The following EIPR1 variants were observed in gnomAD, a reference collection of about 807,000 sequenced individuals.
The protein encoded by EIPR1 is EARP and GARP complex-interacting protein 1.
EIPR1 carries 25 observed loss-of-function variants against 48.1 expected under a neutral mutation model. The observed-to-expected ratio is 0.52, with a 90% CI of 0.38 to 0.73. EIPR1 has a LOEUF of 0.73. EIPR1 is among the 30% of genes least tolerant of loss of function. EIPR1 has a pLI of 0.00. For missense variants in EIPR1, 415 were observed against 506.2 expected (o/e 0.82, Z 1.73); for synonymous variants, 204 against 201.9 (o/e 1.01, Z -0.09).
intron 3 of EIPR1, among the ~76,000 whole-genome samples, chr2:3,294,059 G>C (rs181752290): frequency 6.6e-6 from 1 of 152,056 alleles, no homozygotes; most frequent in Non-Finnish European, 1.5e-5. Context: ...TTCAAAATCA[G>C]TAAACAAAAA....
chr2:3,265,568 G>A (rs1188727619), intron 3 of EIPR1, among the ~76,000 whole-genome samples: 1 of 152,138 alleles, frequency 6.6e-6, no homozygotes, highest in Non-Finnish European at 1.5e-5. Flanking sequence ...TTTTTCACAC[G>A]CTCCTGAACT....
intron 5 of EIPR1, among the ~76,000 whole-genome samples, chr2:3,202,810 C>T (rs1473848631): frequency 2.6e-5 from 4 of 152,328 alleles, no homozygotes; most frequent in African/African-American, 9.6e-5. Flanking sequence ...AAAACACATC[C>T]TAACCTTCAG....
At chr2:3,328,801 T>A (rs1347624140) in intron 3 of EIPR1, among the ~76,000 whole-genome samples, 1 of 127,504 alleles carries the variant, frequency 7.8e-6, no homozygotes, top group East Asian at 2.7e-4. Context: ...CAGGCTCCCC[T>A]GAATCAGAGC....
In EIPR1 at chr2:3,361,962, T is replaced by A. The variant is rs141641256; in HGVS notation, c.43-7329A>T. 7.5e-3 allele frequency among the ~76,000 whole-genome samples: 1,149 copies of A among 152,356 alleles called. 26 individuals carry two copies. The highest frequency in any genetic ancestry group is 0.027 in the African/African-American group (1,106 of 41,584). ...CTACATTTTTGCTTCTGGAGTTCGA[T>A]TCTGACTTTTCTCATCCACACCTTC... On this transcript the variant is annotated intron_variant, in intron 1 of 8. Transcript: ENST00000382125.
intron 3 of EIPR1, among the ~76,000 whole-genome samples, chr2:3,270,252 T>A (rs1453832767): frequency 6.6e-6 from 1 of 152,226 alleles, no homozygotes; most frequent in Non-Finnish European, 1.5e-5. Flanking sequence ...GGGTGCTCGC[T>A]GCAGGGTCTC....
At chr2:3,256,976 G>A (rs958048757) in intron 4 of EIPR1, among the ~76,000 whole-genome samples, 5 of 152,214 alleles carry the variant, frequency 3.3e-5, no homozygotes, top group Non-Finnish European at 5.9e-5. Flanking sequence ...ATAAGTGCAT[G>A]CTGACCAAGC....
intron 2 of EIPR1, among the ~76,000 whole-genome samples, chr2:3,344,637 T>G (rs1316798104): frequency 7.8e-6 from 1 of 128,110 alleles, no homozygotes; most frequent in Non-Finnish European, 1.7e-5. Context: ...TCTGGTTCTT[T>G]TTTTTTTTTT....
intron 3 of EIPR1, among the ~76,000 whole-genome samples, chr2:3,266,120 G>A (rs1412280210): frequency 6.6e-6 from 1 of 152,236 alleles, no homozygotes; most frequent in Non-Finnish European, 1.5e-5. Context: ...CAGGCAAAAG[G>A]CTTACAGGAA....
rs537779068 is a variant in EIPR1, at chr2:3,231,362, A to T, written c.417-17114T>A. Among the ~76,000 whole-genome samples, 317 of 152,270 alleles carry T rather than the reference A, an allele frequency of 2.1e-3. 1 individual carries two copies. The highest frequency in any genetic ancestry group is 3.3e-3 in the Non-Finnish European group (221 of 67,998). ...TTTCTTGCTTAATTCCTCTAGTTAG[A>T]ACTTCCAGTTATTATGATGGATAAA... On this transcript the variant is annotated intron_variant, in intron 4 of 8. Coordinates refer to ENST00000382125, the MANE Select transcript of EIPR1 (RefSeq NM_003310.5).
chr2:3,280,695 A>G (rs1048544116), intron 3 of EIPR1, among the ~76,000 whole-genome samples: 3 of 152,194 alleles, frequency 2.0e-5, no homozygotes, highest in Admixed American at 1.3e-4. Flanking sequence ...CACTCCCATG[A>G]GAGGCCACTG....
chr2:3,201,930 A>AT (rs1201398485), intron 5 of EIPR1, among the ~76,000 whole-genome samples: 3 of 152,004 alleles, frequency 2.0e-5, no homozygotes, highest in Non-Finnish European at 2.9e-5. Context: ...ATTTTATTTT[A>AT]TTTTTTATTA....
At position 3,246,396 on chromosome 2, in the gene EIPR1, CCA is replaced by C. The variant is rs575383129; in HGVS notation, c.416+10901_416+10902del. On this transcript the variant is annotated intron_variant, in intron 4 of 8. Transcript: ENST00000382125. ...AAAATGCCCCCTGTGCCTGGCGGAG[CCA>C]CACACACTGCTTTCCTTCCCCCTGC... Among the ~76,000 whole-genome samples, 264 of 152,290 alleles carry C rather than the reference CCA, an allele frequency of 1.7e-3. 1 individual carries two copies. Among genetic ancestry groups the C allele is most frequent in the Admixed American group, 0.011 (167 of 15,300 alleles).
chr2:3,199,156 G>A lies in EIPR1; in HGVS notation c.517-2139C>T, dbSNP rs561383075. ...GAATTCAGCGATATTTATCTTATCC[G>A]TTTTGGTAATAAGAGAAATATGGCT... On this transcript the variant is annotated intron_variant, in intron 5 of 8. Coordinates refer to ENST00000382125, the MANE Select transcript of EIPR1 (RefSeq NM_003310.5). Among the ~76,000 whole-genome samples the A allele has an allele frequency of 6.1e-5, 9 of 148,630 alleles. No individual in the cohort carries two copies. The South Asian group carries it at 1.5e-3, about 24-fold the overall frequency.
At chr2:3,255,063 G>A (rs13015929) in intron 4 of EIPR1, among the ~76,000 whole-genome samples, 8,916 of 152,188 alleles carry the variant, frequency 0.059, 269 homozygotes, top group Non-Finnish European at 0.063. Flanking sequence ...TAATATATTG[G>A]ATAACAAAAT....
chr2:3,223,866 A>G (rs1001749781), intron 4 of EIPR1, among the ~76,000 whole-genome samples: 1 of 152,064 alleles, frequency 6.6e-6, no homozygotes, highest in African/African-American at 2.4e-5. Context: ...CTCCGACCAC[A>G]TGTCCCATGT....
intron 3 of EIPR1, among the ~76,000 whole-genome samples, chr2:3,278,584 C>A (rs541629291): frequency 1.3e-5 from 2 of 152,248 alleles, no homozygotes; most frequent in Admixed American, 6.5e-5. Flanking sequence ...TCACGACTTC[C>A]GACCCCTGAG....
chr2:3,285,296 G>A (rs2103265317), intron 3 of EIPR1, among the ~76,000 whole-genome samples: 1 of 152,052 alleles, frequency 6.6e-6, no homozygotes, highest in East Asian at 2.0e-4. Flanking sequence ...ATGGGGGCCA[G>A]GAAACAGAGC....
chr2:3,213,729 C>T (rs1395550537), intron 5 of EIPR1, among the ~76,000 whole-genome samples: 2 of 152,266 alleles, frequency 1.3e-5, no homozygotes, highest in Non-Finnish European at 2.9e-5. Flanking sequence ...ACCTGAAAGA[C>T]CCCATCAGTC....
At chr2:3,196,833 G>C (rs199761273) in intron 6 of EIPR1, 48 bp downstream of exon 6, 73 of 1,603,476 alleles carry the variant, frequency 4.6e-5, no homozygotes, top group Non-Finnish European at 5.9e-5. Context: ...GGTTCTGCTC[G>C]GTGAGGGAGG....
Sources: gnomAD v4.1 joint callset for allele counts (sites outside exome capture counted in the v4.1 genomes callset) on GRCh38, gnomAD v4.1.1 for gene constraint, MANE v1.5 for transcripts, NCBI Gene and HGNC (gene_info 2026-07-23, HGNC 2026-07-21) for gene names.